The following OLFM1 variants were observed in gnomAD, a reference collection of about 807,000 sequenced individuals.
OLFM1 encodes the protein olfactomedin 1, also known as noelin.
Under a neutral mutation model 49.7 loss-of-function variants are expected in OLFM1, and 9 were observed. That is an observed-to-expected ratio of 0.18 (90% confidence interval 0.11 to 0.32). The LOEUF is 0.32. Ranked by LOEUF, OLFM1 falls within the 10% of genes least tolerant of loss-of-function variation. The probability of loss-of-function intolerance (pLI) is 1.00; values close to 1 mark genes in which losing one functional copy is unlikely to be tolerated. For missense variants in OLFM1, 369 were observed against 661.8 expected (o/e 0.56, Z 4.85); for synonymous variants, 240 against 271.8 (o/e 0.88, Z 1.15).
At position 135,120,582 on chromosome 9, in the gene OLFM1, A is replaced by G; in HGVS notation, c.*404A>G. ...GAATGTGGCGTCCAGGCTCTTTGAG[A>G]GCCATGGGCTGCACCCGGCCGTAGG... is the stretch of plus-strand genomic sequence containing the variant. On this transcript the variant is annotated 3_prime_UTR_variant, in exon 6 of 6. Coordinates refer to ENST00000371793, the MANE Select transcript of OLFM1 (RefSeq NM_001282611.2). 1 of 217,114 alleles carries G rather than the reference A, an allele frequency of 4.6e-6. No homozygotes were observed. Among genetic ancestry groups the G allele is most frequent in the Non-Finnish European group, 9.1e-6 (1 of 109,502 alleles). 13.4% of individuals were successfully genotyped at this position (217,114 alleles called of 1,614,324 possible).
rs76485940 is a variant in OLFM1, at chr9:135,098,643, T to G, written c.676+138T>G. The G allele has an allele frequency of 5.7e-3, 4,148 of 728,414 alleles. 106 individuals carry two copies. The highest frequency in any genetic ancestry group is 0.046 in the South Asian group (2,568 of 55,648). The allele number at this position is 728,414 out of a possible 1,614,324, so 45.1% of individuals were successfully genotyped here. Reference sequence around the variant, plus strand: ...GGCTGGATTAGGGCTCCTGGGCAGGTCTACCTTGAGAGACAGCAAAGGAGG... The same window carrying G: ...GGCTGGATTAGGGCTCCTGGGCAGGGCTACCTTGAGAGACAGCAAAGGAGG... On this transcript the variant is annotated intron_variant, in intron 4 of 5. Coordinates refer to ENST00000371793, the MANE Select transcript of OLFM1 (RefSeq NM_001282611.2). This position sits in a 1 kb window ranked among gnomAD's most constrained non-coding sequence, Gnocchi z 5.6.
intron 2 of OLFM1, 138 bp downstream of exon 2, chr9:135,090,482 T>C: frequency 1.1e-6 from 1 of 870,078 alleles, no homozygotes; most frequent in East Asian, 2.7e-5. Context: ...TCCTGGTTTG[T>C]CTCCACTCAA....
chr9:135,118,913 G>A (rs1206267823), intron 5 of OLFM1, among the ~76,000 whole-genome samples: 2 of 148,068 alleles, frequency 1.4e-5, no homozygotes, highest in African/African-American at 2.5e-5. Context: ...AGTGCTCGCC[G>A]GGTCTTTGGA....
chr9:135,111,284 A>G (rs56226167), intron 5 of OLFM1, among the ~76,000 whole-genome samples: 59,519 of 152,040 alleles, frequency 0.39, 13,504 homozygotes, highest in African/African-American at 0.62. Context: ...AGAAACCCTC[A>G]TGGGTTGGGG....
Position 135,098,010 on chromosome 9 carries a change from G to T in OLFM1, c.457-276G>T. The T allele has an allele frequency of 7.1e-7, 1 of 1,404,912 alleles. No homozygotes were observed. The allele number at this position is 1,404,912 out of a possible 1,614,324, so 87.0% of individuals were successfully genotyped here. ...TTGAACCCTTGTCAATGCATTTTTT[G>T]AAAAAGAAAGAAAAAAAAAACTTCG... On this transcript the variant is annotated intron_variant, in intron 3 of 5. Transcript: ENST00000371793. The surrounding 1 kb of genome is among the most constrained non-coding windows in gnomAD (Gnocchi z 5.6).
intron 5 of OLFM1, among the ~76,000 whole-genome samples, chr9:135,107,312 T>C (rs1456054368): frequency 6.6e-6 from 1 of 152,266 alleles, no homozygotes. Context: ...ATTCCTTTCA[T>C]GGCTGATGGA....
intron 4 of OLFM1, among the ~76,000 whole-genome samples, chr9:135,100,517 T>C (rs1830856415): frequency 6.6e-6 from 1 of 152,192 alleles, no homozygotes; most frequent in Non-Finnish European, 1.5e-5. Context: ...AATTCTTTCT[T>C]TGGAAGGGCT....
Position 135,119,903 on chromosome 9 carries a change from A to G in OLFM1, c.1183A>G (p.Thr395Ala). 1 of 1,613,524 alleles carries G rather than the reference A, an allele frequency of 6.2e-7. No homozygotes were observed. Among genetic ancestry groups the G allele is most frequent in the South Asian group, 1.1e-5 (1 of 91,084 alleles). ...CCTGCAGACCCTGCAGACCTGGAAC[A>G]CGAGCTACCCCAAGCGCAGCGCCGG... ...VSLQTLQTWNTSYPKRSAGEA... is the reference protein window; with the variant it reads ...VSLQTLQTWNASYPKRSAGEA... Residue 395 changes from threonine to alanine, a missense_variant, in exon 6 of 6, where the codon ACG (threonine) becomes GCG (alanine). By Grantham distance (58) the Thr-to-Ala change is moderately conservative. Around this residue, in one of 3 missense-constraint regions of OLFM1, gnomAD observed 294 missense variants for 567.5 expected, o/e 0.52. Transcript: ENST00000371793.
rs1456126476 is a variant in OLFM1 at position 135,113,098 on chromosome 9, G to T, written c.783+6243G>T. Among the ~76,000 whole-genome samples, 1 of 152,174 alleles carries T rather than the reference G, an allele frequency of 6.6e-6. No individual in the cohort carries two copies. Among genetic ancestry groups the T allele is most frequent in the Non-Finnish European group, 1.5e-5 (1 of 68,030 alleles). ...TTCCTAATGCACAGAGCATGTGGCA[G>T]CTGGCACAGCTGGCCATGTGACCCT... On this transcript the variant is annotated intron_variant, in intron 5 of 5. Coordinates refer to ENST00000371793, the MANE Select transcript of OLFM1 (RefSeq NM_001282611.2). This position sits in a 1 kb window ranked among gnomAD's most constrained non-coding sequence, Gnocchi z 4.0.
At chr9:135,102,000 G>A (rs1046045381) in intron 4 of OLFM1, among the ~76,000 whole-genome samples, 1 of 152,236 alleles carries the variant, frequency 6.6e-6, no homozygotes, top group Non-Finnish European at 1.5e-5. Flanking sequence ...AGCACAGACA[G>A]AGCCTGGGCT....
In OLFM1 at chr9:135,098,653, G is replaced by A. The variant is rs890968143; in HGVS notation, c.676+148G>A. On this transcript the variant is annotated intron_variant, in intron 4 of 5. Coordinates refer to ENST00000371793, the MANE Select transcript of OLFM1 (RefSeq NM_001282611.2). This position sits in a 1 kb window ranked among gnomAD's most constrained non-coding sequence, Gnocchi z 5.6. ...GGGCTCCTGGGCAGGTCTACCTTGA[G>A]AGACAGCAAAGGAGGAGCGTAGGCC... The A allele has an allele frequency of 1.4e-6, 1 of 692,284 alleles. No individual in the cohort carries two copies. Among genetic ancestry groups the A allele is most frequent in the Non-Finnish European group, 2.4e-6 (1 of 411,382 alleles). 42.9% of individuals were successfully genotyped at this position (692,284 alleles called of 1,614,324 possible).
At chr9:135,090,625 G>A (rs1386895978) in intron 2 of OLFM1, among the ~76,000 whole-genome samples, 3 of 152,070 alleles carry the variant, frequency 2.0e-5, no homozygotes, top group Non-Finnish European at 4.4e-5. Flanking sequence ...AGGAAGAGAG[G>A]ACTAGACCTG....
chr9:135,100,535 G>A (rs977253504), intron 4 of OLFM1, among the ~76,000 whole-genome samples: 4 of 152,360 alleles, frequency 2.6e-5, no homozygotes, highest in South Asian at 2.1e-4. Flanking sequence ...GCTGCGACAC[G>A]TAGGCGGAGC....
At position 135,090,255 on chromosome 9, in the gene OLFM1, G is replaced by A; in HGVS notation, c.211G>A (p.Gly71Ser). The stretch of plus-strand genomic sequence containing the variant: ...GTACAGCTCTGCCCAGGACAGCGAG[G>A]GCAGGTGTATCTGCACAGTGGTCGC... ...QVYSSAQDSE[G>S]RCICTVVAPQ... The change falls in exon 2 of 6, where the codon GGC (glycine) becomes AGC (serine). Residue 71 changes from glycine (G) to serine (S), a missense_variant. Physicochemically the swap from Gly to Ser is moderately conservative, Grantham distance 56 (BLOSUM62 0). This residue lies in a region of OLFM1 where 294 missense variants were observed against 567.5 expected (regional missense o/e 0.52). Transcript: ENST00000371793. 1 of 1,614,090 alleles carries A rather than the reference G, an allele frequency of 6.2e-7. No homozygotes were observed. The highest frequency in any genetic ancestry group is 1.7e-5 in the Admixed American group (1 of 60,022).
chr9:135,086,018 T>C (rs1483058083), upstream of OLFM1, among the ~76,000 whole-genome samples: 3 of 152,216 alleles, frequency 2.0e-5, no homozygotes, highest in East Asian at 5.8e-4. Flanking sequence ...GTGGATTGGA[T>C]TGGGTTGCAT....
intron 1 of OLFM1, among the ~76,000 whole-genome samples, chr9:135,079,825 G>A (rs1413063208): frequency 3.3e-5 from 5 of 152,090 alleles, no homozygotes; most frequent in Non-Finnish European, 5.9e-5. Flanking sequence ...CCCCTGGTGG[G>A]GTTCAAGCTG....
At chr9:135,096,750 T>C (rs548061089) in intron 3 of OLFM1, among the ~76,000 whole-genome samples, 3 of 152,346 alleles carry the variant, frequency 2.0e-5, no homozygotes, top group African/African-American at 4.8e-5. Flanking sequence ...AGCAGGAATC[T>C]CTCAGGGCAG....
At chr9:135,106,661 A>C (rs1830947750) in intron 4 of OLFM1, 88 bp from the exon 5 acceptor site, 1 of 932,346 alleles carries the variant, frequency 1.1e-6, no homozygotes, top group Non-Finnish European at 1.7e-6. Context: ...GCCACATGGC[A>C]CGTGTGCTCT....
Position 135,080,763 on chromosome 9 carries a change from G to A in OLFM1, c.96+4961G>A, listed in dbSNP as rs561182462. On this transcript the variant is annotated intron_variant, in intron 1 of 5. Transcript: ENST00000252854. The surrounding 1 kb of genome is among the most constrained non-coding windows in gnomAD (Gnocchi z 4.5). ...CTAGCTAAACTGAATTAGATACATG[G>A]CAACCACGAGCTAGGCTGACAGGGC... is the stretch of plus-strand genomic sequence containing the variant. 1.3e-5 allele frequency among the ~76,000 whole-genome samples: 2 copies of A among 152,218 alleles called. No individual in the cohort carries two copies. Among genetic ancestry groups the A allele is most frequent in the Non-Finnish European group, 2.9e-5 (2 of 68,004 alleles).
Sources: gnomAD v4.1 joint callset for allele counts (sites outside exome capture counted in the v4.1 genomes callset) on GRCh38, gnomAD v4.1.1 for gene constraint, gnomAD v4.1.1 regional missense constraint, Gnocchi (gnomAD v3.1) non-coding constraint, MANE v1.5 for transcripts, NCBI Gene and HGNC (gene_info 2026-07-23, HGNC 2026-07-21) for gene names.